HYAL4: variants seen among roughly 807,000 people sequenced by gnomAD.
The protein encoded by HYAL4 is hyaluronidase-4.
A neutral mutation model predicts 35.2 loss-of-function variants in HYAL4; 37 were observed. The observed-to-expected ratio is 1.05, with a 90% CI of 0.81 to 1.38. The LOEUF is 1.38. Among genes scored for constraint, HYAL4 ranks in the 40% most tolerant of loss-of-function variants. The pLI, the probability that HYAL4 is intolerant of heterozygous loss-of-function variation, is 0.00. For missense variants in HYAL4, 572 were observed against 572.4 expected, an observed-to-expected ratio of 1.00 and a Z score of 0.01; for synonymous variants, 198 against 203.2, an observed-to-expected ratio of 0.97 and a Z score of 0.22.
the HYAL4 span, among the ~76,000 whole-genome samples, chr7:123,764,236 G>A: frequency 1.3e-5 from 2 of 152,168 alleles, no homozygotes; most frequent in Non-Finnish European, 2.9e-5. Context: ...GAGCCTCCCA[G>A]TGCTGGGATT....
At chr7:123,828,818 C>T (rs1467148874), upstream of HYAL4, 1 of 152,440 alleles carries the variant, frequency 6.6e-6, no homozygotes, top group Non-Finnish European at 1.5e-5. Flanking sequence ...AAGGCTTAGT[C>T]CCTCCTTTAA....
chr7:123,847,759 C>T (rs917909001), intron 1 of HYAL4, among the ~76,000 whole-genome samples: 7 of 152,122 alleles, frequency 4.6e-5, no homozygotes, highest in African/African-American at 1.4e-4. Context: ...GCCTAGATAA[C>T]GAAGTGAGAC....
the HYAL4 span, among the ~76,000 whole-genome samples, chr7:123,782,302 A>C: frequency 6.6e-6 from 1 of 152,170 alleles, no homozygotes; most frequent in African/African-American, 2.4e-5. Flanking sequence ...ATTCTTCCCC[A>C]ACCATACAAC....
At chr7:123,791,283 G>A in the HYAL4 span, among the ~76,000 whole-genome samples, 3 of 152,260 alleles carry the variant, frequency 2.0e-5, no homozygotes, top group African/African-American at 7.2e-5. Context: ...ACATGGGCAT[G>A]TTGTTCAACT....
chr7:123,823,687 T>G, the HYAL4 span, among the ~76,000 whole-genome samples: 1 of 147,780 alleles, frequency 6.8e-6, no homozygotes, highest in Non-Finnish European at 1.5e-5. Flanking sequence ...AGAAGTTATA[T>G]ATACACACAC....
intron 2 of HYAL4, among the ~76,000 whole-genome samples, chr7:123,867,787 A>G (rs1806725989): frequency 6.6e-6 from 1 of 152,140 alleles, no homozygotes; most frequent in African/African-American, 2.4e-5. Context: ...TCATCTCTCT[A>G]AGCCTCAGTT....
chr7:123,803,959 C>T, the HYAL4 span, among the ~76,000 whole-genome samples: 3 of 152,172 alleles, frequency 2.0e-5, no homozygotes, highest in Admixed American at 1.3e-4. Flanking sequence ...ACGTTTTGAA[C>T]TCACATGGCA....
At chr7:123,808,305 G>A in the HYAL4 span, among the ~76,000 whole-genome samples, 4 of 152,034 alleles carry the variant, frequency 2.6e-5, no homozygotes, top group Admixed American at 1.3e-4. Flanking sequence ...ATAAGAATGT[G>A]TTTCCCTGAT....
intron 1 of HYAL4, among the ~76,000 whole-genome samples, chr7:123,834,923 A>G (rs557280614): frequency 5.3e-5 from 8 of 152,274 alleles, no homozygotes; most frequent in African/African-American, 1.9e-4. Flanking sequence ...CATCCCTGCT[A>G]TGAAACCCAC....
the HYAL4 span, among the ~76,000 whole-genome samples, chr7:123,819,605 G>A: frequency 2.6e-5 from 4 of 152,084 alleles, no homozygotes; most frequent in Non-Finnish European, 5.9e-5. Flanking sequence ...AGCCATTGTG[G>A]TTAGTAGAAG....
chr7:123,796,267 T>C, the HYAL4 span, among the ~76,000 whole-genome samples: 4 of 152,224 alleles, frequency 2.6e-5, no homozygotes. Context: ...CATCCAGACC[T>C]GGCCAAACCT....
chr7:123,803,235 C>CTGGG, the HYAL4 span, among the ~76,000 whole-genome samples: 1 of 152,056 alleles, frequency 6.6e-6, no homozygotes, highest in African/African-American at 2.4e-5. Context: ...TGAGGCCTGC[C>CTGGG]TGGGCAATGT....
At chr7:123,786,111 T>G in the HYAL4 span, among the ~76,000 whole-genome samples, 6 of 152,176 alleles carry the variant, frequency 3.9e-5, no homozygotes, top group South Asian at 1.2e-3. Flanking sequence ...ATGATTCACC[T>G]TTTAATTTAA....
At chr7:123,776,004 C>G in the HYAL4 span, among the ~76,000 whole-genome samples, 3 of 152,160 alleles carry the variant, frequency 2.0e-5, no homozygotes, top group Non-Finnish European at 4.4e-5. Flanking sequence ...TTCAGGCACA[C>G]CCAACACTTG....
chr7:123,789,540 T>A, the HYAL4 span, among the ~76,000 whole-genome samples: 2 of 152,198 alleles, frequency 1.3e-5, no homozygotes, highest in Non-Finnish European at 2.9e-5. Context: ...GCATATTTCA[T>A]TGAAATAATG....
the HYAL4 span, among the ~76,000 whole-genome samples, chr7:123,776,763 C>T: frequency 6.6e-6 from 1 of 152,050 alleles, no homozygotes; most frequent in South Asian, 2.1e-4. Flanking sequence ...TGGAGAGGGA[C>T]ATGTCCTACA....
At chr7:123,779,411 G>T in the HYAL4 span, among the ~76,000 whole-genome samples, 3 of 152,008 alleles carry the variant, frequency 2.0e-5, no homozygotes, top group South Asian at 4.1e-4. Context: ...TTGGACAAAA[G>T]CATCTTTAGG....
chr7:123,766,703 A>C, the HYAL4 span, among the ~76,000 whole-genome samples: 1 of 152,152 alleles, frequency 6.6e-6, no homozygotes, highest in Admixed American at 6.5e-5. Flanking sequence ...ATAAGTACTA[A>C]ATGAGAAATT....
intron 2 of HYAL4, among the ~76,000 whole-genome samples, chr7:123,852,475 G>A (rs1031580750): frequency 6.6e-6 from 1 of 152,062 alleles, no homozygotes; most frequent in Non-Finnish European, 1.5e-5. Flanking sequence ...AGTTTTCCCA[G>A]CACCATTTAT....
Sources: gnomAD v4.1 joint callset for allele counts (sites outside exome capture counted in the v4.1 genomes callset) on GRCh38, gnomAD v4.1.1 for gene constraint, MANE v1.5 for transcripts, NCBI Gene and HGNC (gene_info 2026-07-23, HGNC 2026-07-21) for gene names.